Variants in CNTNAP4 observed in about 807,000 individuals in gnomAD.
The protein encoded by CNTNAP4 is contactin associated protein family member 4, also known as contactin-associated protein-like 4.
In CNTNAP4, 98 loss-of-function variants were observed where a neutral mutation model predicts 148.4. The ratio of observed to expected loss-of-function variants is 0.66; its 90% CI spans 0.56 to 0.78. The LOEUF (loss-of-function observed/expected upper bound fraction) is 0.78, where lower values mean the gene tolerates loss of function less well. Among genes scored for constraint, CNTNAP4 ranks in the 30% least tolerant of loss-of-function variants. The probability of loss-of-function intolerance (pLI) is 0.00; values close to 1 mark genes in which losing one functional copy is unlikely to be tolerated. For missense variants in CNTNAP4, 1,935 were observed against 1,565.6 expected (o/e 1.24, Z -3.98); for synonymous variants, 730 against 565.1 (o/e 1.29, Z -4.14).
At chr16:76,477,931 A>T (rs1160377690) in intron 11 of CNTNAP4, among the ~76,000 whole-genome samples, 2 of 152,226 alleles carry the variant, frequency 1.3e-5, no homozygotes, top group Non-Finnish European at 2.9e-5. Context: ...ACAATTTGAT[A>T]CAATAATTGA....
chr16:76,449,482 C>T (rs973244438), intron 6 of CNTNAP4, among the ~76,000 whole-genome samples: 6 of 152,016 alleles, frequency 3.9e-5, no homozygotes, highest in African/African-American at 1.4e-4. Context: ...TTTTCATCGA[C>T]CAGTGAATAT....
intron 3 of CNTNAP4, among the ~76,000 whole-genome samples, chr16:76,374,844 C>T (rs1166114584): frequency 6.6e-6 from 1 of 151,664 alleles, no homozygotes; most frequent in African/African-American, 2.4e-5. Flanking sequence ...TCTCGGCTCA[C>T]AGCAACCTCT....
intron 4 of CNTNAP4, among the ~76,000 whole-genome samples, chr16:76,442,218 A>T (rs2080071018): frequency 6.6e-6 from 1 of 152,170 alleles, no homozygotes; most frequent in African/African-American, 2.4e-5. Flanking sequence ...ATGAAGGAAG[A>T]GGCCACGAGC....
At chr16:76,316,912 G>A (rs1961819729) in intron 2 of CNTNAP4, among the ~76,000 whole-genome samples, 1 of 152,088 alleles carries the variant, frequency 6.6e-6, no homozygotes, top group African/African-American at 2.4e-5. Context: ...TTCTCAATGT[G>A]GTTGACATGA....
intron 1 of CNTNAP4, among the ~76,000 whole-genome samples, chr16:76,310,796 A>ATT (rs35735286): frequency 2.8e-5 from 4 of 145,130 alleles, no homozygotes; most frequent in South Asian, 2.2e-4. Context: ...AATCAGCCCT[A>ATT]TTTTTTTTTT....
At chr16:76,433,301 G>C (rs911833805) in intron 4 of CNTNAP4, among the ~76,000 whole-genome samples, 1 of 152,128 alleles carries the variant, frequency 6.6e-6, no homozygotes, top group Admixed American at 6.6e-5. Context: ...GGAGAACTGA[G>C]GGAGAAGATT....
At chr16:76,300,020 G>A (rs899671580) in intron 1 of CNTNAP4, among the ~76,000 whole-genome samples, 4 of 152,012 alleles carry the variant, frequency 2.6e-5, no homozygotes, top group African/African-American at 9.7e-5. Context: ...GGGAGGGATA[G>A]CATTAGGAGA....
chr16:76,374,742 CTA>C (rs1420993803), intron 3 of CNTNAP4, among the ~76,000 whole-genome samples: 4 of 131,616 alleles, frequency 3.0e-5, no homozygotes, highest in Non-Finnish European at 6.7e-5. Context: ...GACTATGACA[CTA>C]TTATTATTAT....
At chr16:76,292,107 C>T (rs1030025872) in intron 1 of CNTNAP4, among the ~76,000 whole-genome samples, 3 of 152,136 alleles carry the variant, frequency 2.0e-5, no homozygotes, top group Non-Finnish European at 2.9e-5. Flanking sequence ...TATATGGCTC[C>T]CTTAAGATTC....
At chr16:76,306,649 G>A (rs1960508920) in intron 1 of CNTNAP4, among the ~76,000 whole-genome samples, 1 of 152,178 alleles carries the variant, frequency 6.6e-6, no homozygotes. Flanking sequence ...CGAAGATTTT[G>A]TTTCCACAAT....
At chr16:76,489,975 G>C (rs2082155473) in intron 13 of CNTNAP4, 92 bp downstream of exon 13, 3 of 758,600 alleles carry the variant, frequency 4.0e-6, no homozygotes. Flanking sequence ...CAAAGTGGTG[G>C]TGTCTAGCCA....
At chr16:76,338,152 A>G (rs961471262) in intron 2 of CNTNAP4, among the ~76,000 whole-genome samples, 33 of 152,254 alleles carry the variant, frequency 2.2e-4, no homozygotes, top group African/African-American at 7.7e-4. Context: ...ATAAATGTCC[A>G]TGAAATCTTC....
chr16:76,444,094 A>G (rs2080147839), intron 4 of CNTNAP4, among the ~76,000 whole-genome samples: 1 of 152,194 alleles, frequency 6.6e-6, no homozygotes, highest in African/African-American at 2.4e-5. Flanking sequence ...AGAAAATTCA[A>G]GAGATTGAGT....
intron 9 of CNTNAP4, among the ~76,000 whole-genome samples, chr16:76,466,373 A>T (rs1429207628): frequency 6.6e-6 from 1 of 152,174 alleles, no homozygotes; most frequent in Non-Finnish European, 1.5e-5. Context: ...GTCATTAATA[A>T]TTGTACATTT....
intron 3 of CNTNAP4, among the ~76,000 whole-genome samples, chr16:76,407,885 C>A (rs1346163534): frequency 6.6e-6 from 1 of 152,012 alleles, no homozygotes; most frequent in African/African-American, 2.4e-5. Flanking sequence ...AGAAGTCTTT[C>A]ATGAAAGGAA....
intron 3 of CNTNAP4, among the ~76,000 whole-genome samples, chr16:76,367,810 C>G (rs977538846): frequency 6.6e-6 from 1 of 152,148 alleles, no homozygotes; most frequent in African/African-American, 2.4e-5. Context: ...GCCATCAGCT[C>G]CAGGGGTCCT....
At chr16:76,489,398 G>C (rs1219453478) in intron 12 of CNTNAP4, among the ~76,000 whole-genome samples, 1 of 151,998 alleles carries the variant, frequency 6.6e-6, no homozygotes, top group African/African-American at 2.4e-5. Flanking sequence ...AAAATAATCA[G>C]ATTTCTTAAT....
At chr16:76,476,068 T>G in intron 11 of CNTNAP4, 23 bp downstream of exon 11, 1 of 1,507,048 alleles carries the variant, frequency 6.6e-7, no homozygotes, top group African/African-American at 1.4e-5. Flanking sequence ...CATCTGCTTT[T>G]TCTTGCCCCT....
chr16:76,348,099 C>G (rs890389929), intron 2 of CNTNAP4, among the ~76,000 whole-genome samples: 7 of 151,712 alleles, frequency 4.6e-5, no homozygotes, highest in Admixed American at 3.9e-4. Flanking sequence ...AGAAAAACAG[C>G]AGGATTCTTA....
Sources: gnomAD v4.1 joint callset for allele counts (sites outside exome capture counted in the v4.1 genomes callset) on GRCh38, gnomAD v4.1.1 for gene constraint, MANE v1.5 for transcripts, NCBI Gene and HGNC (gene_info 2026-07-23, HGNC 2026-07-21) for gene names.